GAS7: variants seen among roughly 807,000 people sequenced by gnomAD.
GAS7 encodes the protein growth arrest specific 7, also known as growth arrest-specific protein 7.
Under a neutral mutation model 71.1 loss-of-function variants are expected in GAS7, and 28 were observed. The observed-to-expected ratio is 0.39, with a 90% confidence interval of 0.29 to 0.54. GAS7 has a LOEUF of 0.54. Ranked by LOEUF, GAS7 falls within the 20% of genes least tolerant of loss-of-function variation. GAS7 has a pLI of 0.62. For missense variants in GAS7, 436 were observed against 627.8 expected (o/e 0.69, Z 3.27); for synonymous variants, 258 against 245.8 (o/e 1.05, Z -0.46).
chr17:10,125,512 C>A (rs1157192763), intron 1 of GAS7, among the ~76,000 whole-genome samples: 3 of 120,276 alleles, frequency 2.5e-5, no homozygotes, highest in Admixed American at 1.1e-4. Flanking sequence ...GTGACAAGAG[C>A]GAAACTCCAT....
At chr17:10,112,245 C>CGAGGGATGCTGAAG (rs2073820657) in intron 1 of GAS7, among the ~76,000 whole-genome samples, 2 of 152,308 alleles carry the variant, frequency 1.3e-5, no homozygotes, top group South Asian at 4.1e-4. Flanking sequence ...ACCGAAGACA[C>CGAGGGATGCTGAAG]ACAGCGAGGG....
chr17:10,111,555 AC>A lies in GAS7; in HGVS notation c.183+86652del, dbSNP rs60663304. 3.0e-3 allele frequency among the ~76,000 whole-genome samples: 450 copies of A among 149,900 alleles called. 11 individuals carry two copies. The highest frequency in any genetic ancestry group is 0.022 in the East Asian group (112 of 5,040). The stretch of plus-strand genomic sequence containing the variant: ...CTCAAAAAAACAAACAAACAAACAA[AC>A]AAAAAACCAGAAATATACTTGGGAG... On this transcript the variant is annotated intron_variant, in intron 1 of 13. Transcript: ENST00000432992.
intron 3 of GAS7, among the ~76,000 whole-genome samples, chr17:9,975,861 C>G (rs569002762): frequency 6.6e-6 from 1 of 152,184 alleles, no homozygotes; most frequent in Admixed American, 6.5e-5. Context: ...GCAGGGCTAC[C>G]GTGAAATCCA....
intron 1 of GAS7, among the ~76,000 whole-genome samples, chr17:10,120,637 G>C (rs1343893583): frequency 6.6e-6 from 1 of 152,196 alleles, no homozygotes. Flanking sequence ...GCTTGAACCT[G>C]GGAGGCGGAG....
intron 1 of GAS7, among the ~76,000 whole-genome samples, chr17:10,046,777 AAAGAAAGAAAGGAAGGAAGGAAGGAAGG>A: frequency 9.0e-6 from 1 of 110,962 alleles, no homozygotes; most frequent in Non-Finnish European, 1.7e-5. Context: ...GAAGAGAAAG[AAAGAAAGAAAGGAAGGAAGGAAGGAAGG>A]AAGGAAGGAA....
intron 1 of GAS7, among the ~76,000 whole-genome samples, chr17:10,077,098 C>T (rs1423106427): frequency 6.6e-6 from 1 of 152,156 alleles, no homozygotes; most frequent in African/African-American, 2.4e-5. Context: ...ACACATAAAA[C>T]TAATAAAATT....
chr17:9,925,700 G>T, intron 10 of GAS7, 101 bp from the exon 11 acceptor site: 2 of 1,320,056 alleles, frequency 1.5e-6, no homozygotes, highest in Non-Finnish European at 2.1e-6. Flanking sequence ...TTCGCCCCTT[G>T]TTTGTGTGGA....
chr17:10,013,022 G>C (rs968146616), intron 2 of GAS7, among the ~76,000 whole-genome samples: 1 of 150,746 alleles, frequency 6.6e-6, no homozygotes, highest in African/African-American at 2.4e-5. Flanking sequence ...AGAATCGCTT[G>C]AATCCAGGAG....
intron 2 of GAS7, among the ~76,000 whole-genome samples, chr17:9,990,725 AG>A (rs1283386135): frequency 4.6e-5 from 7 of 152,188 alleles, no homozygotes; most frequent in African/African-American, 1.7e-4. Flanking sequence ...GGAAAATAGA[AG>A]ATGAGTTCAG....
intron 1 of GAS7, among the ~76,000 whole-genome samples, chr17:10,147,405 CA>C (rs2074130007): frequency 6.6e-6 from 1 of 152,106 alleles, no homozygotes; most frequent in Non-Finnish European, 1.5e-5. Context: ...CTGAAATTTA[CA>C]AAAATGCTCA....
rs77346872 is a variant in GAS7, at chr17:9,928,070, T to G, written c.886-1301A>C. Among the ~76,000 whole-genome samples the G allele has an allele frequency of 8.3e-3, 1,266 of 152,206 alleles. 63 individuals carry two copies. The highest frequency in any genetic ancestry group is 0.068 in the Admixed American group (1,039 of 15,274). On this transcript the variant is annotated intron_variant, in intron 9 of 13. Transcript: ENST00000432992. ...CTTTAAAAGAACTTTTCCTTAAAAT[T>G]TGTTCCTTTTGTTTGTGAGCATAAC... is the stretch of plus-strand genomic sequence containing the variant.
At chr17:10,110,747 C>T (rs1213674174) in intron 1 of GAS7, among the ~76,000 whole-genome samples, 1 of 152,214 alleles carries the variant, frequency 6.6e-6, no homozygotes, top group African/African-American at 2.4e-5. Flanking sequence ...GCTGGGATTA[C>T]AGGCATGAGC....
chr17:10,080,818 A>T (rs1184051664), intron 1 of GAS7, among the ~76,000 whole-genome samples: 1 of 152,238 alleles, frequency 6.6e-6, no homozygotes, highest in Non-Finnish European at 1.5e-5. Flanking sequence ...ATGAGGACTT[A>T]TTCCATCAGA....
At chr17:10,185,416 G>T (rs891670502) in intron 1 of GAS7, among the ~76,000 whole-genome samples, 1 of 152,116 alleles carries the variant, frequency 6.6e-6, no homozygotes, top group African/African-American at 2.4e-5. Context: ...TATGGAGTGT[G>T]TACAAGGTGC....
chr17:9,935,758 G>A (rs753158069), intron 8 of GAS7, among the ~76,000 whole-genome samples: 1 of 152,220 alleles, frequency 6.6e-6, no homozygotes, highest in Non-Finnish European at 1.5e-5. Context: ...TCCCCTCAGT[G>A]ATCCTGGCAG....
chr17:9,959,567 G>T lies in GAS7; in HGVS notation c.472-312C>A. On this transcript the variant is annotated intron_variant, in intron 4 of 13. Coordinates refer to ENST00000432992, the MANE Select transcript of GAS7 (RefSeq NM_201433.2). The surrounding 1 kb of genome is among the most constrained non-coding windows in gnomAD (Gnocchi z 5.0). ...GGAGTTAACCCCTCCGCTGCCCTCT[G>T]CTGGTGAACGTTCCGCGTGCCGCTT... is the stretch of plus-strand genomic sequence containing the variant. 2 of 767,440 alleles carry T rather than the reference G, an allele frequency of 2.6e-6. No individual in the cohort carries two copies. The highest frequency in any genetic ancestry group is 3.6e-6 in the Non-Finnish European group (2 of 549,772). 47.5% of individuals were successfully genotyped at this position (767,440 alleles called of 1,614,324 possible). A position where few individuals can be genotyped will look rare whatever the true frequency, so the allele number is the denominator to read the frequency against.
intron 2 of GAS7, among the ~76,000 whole-genome samples, chr17:10,008,946 A>AAC: frequency 6.6e-6 from 1 of 152,322 alleles, no homozygotes; most frequent in Middle Eastern, 3.4e-3. Context: ...AACTTTTATT[A>AAC]ACACGGAATT....
chr17:10,066,877 C>T lies in GAS7; in HGVS notation c.184-46980G>A, dbSNP rs1266004757. On this transcript the variant is annotated intron_variant, in intron 1 of 13. Transcript: ENST00000432992. ...GAGAGTAGACTTGGGAGCCAGACTG[C>T]CTGGGTTCAAATCCATGCTTTCCCA... 2.0e-5 allele frequency among the ~76,000 whole-genome samples: 3 copies of T among 152,168 alleles called. No homozygotes were observed. The East Asian group carries it at 5.8e-4, about 29-fold the overall frequency.
intron 1 of GAS7, among the ~76,000 whole-genome samples, chr17:10,094,877 G>GAT (rs1444628399): frequency 6.6e-6 from 1 of 152,174 alleles, no homozygotes; most frequent in Non-Finnish European, 1.5e-5. Context: ...AGAGCAAGAA[G>GAT]ATACAGTTTA....
Sources: allele counts gnomAD v4.1 joint callset (sites outside exome capture counted in the v4.1 genomes callset), GRCh38; gene constraint gnomAD v4.1.1; non-coding constraint Gnocchi (gnomAD v3.1); transcripts MANE v1.5; gene names NCBI Gene and HGNC (gene_info 2026-07-23, HGNC 2026-07-21).